TCF7L2: variants seen among roughly 807,000 people sequenced by gnomAD.
TCF7L2 encodes transcription factor 7 like 2.
TCF7L2 carries 23 observed loss-of-function variants against 77.9 expected under a neutral mutation model. That is an observed-to-expected ratio of 0.30 (90% CI 0.21 to 0.42). The LOEUF is 0.42. Ranked by LOEUF, TCF7L2 falls within the 10% of genes least tolerant of loss-of-function variation. TCF7L2 has a pLI of 1.00. For synonymous variants in TCF7L2, 413 were observed against 340.2 expected, an observed-to-expected ratio of 1.21 and a Z score of -2.36; for missense variants, 654 against 793.1, an observed-to-expected ratio of 0.82 and a Z score of 2.11.
In TCF7L2 at chr10:113,165,898, T is replaced by C. The variant is rs2074017404; in HGVS notation, c.1735T>C (p.Ser579Pro). The C allele has an allele frequency of 6.3e-7, 1 of 1,596,308 alleles. No homozygotes were observed. The highest frequency in any genetic ancestry group is 1.1e-5 in the South Asian group (1 of 89,424). Residue 579 changes from serine to proline, a missense_variant, in exon 14 of 14, where the codon TCC (serine) becomes CCC (proline). Around this residue, in one of 6 missense-constraint regions of TCF7L2, gnomAD observed 272 missense variants for 215.4 expected, o/e 1.26. Coordinates refer to ENST00000627217, the MANE Select transcript of TCF7L2 (RefSeq NM_001146274.2). ...ATCAATTGCACAGCCGTCGACTTCTTCCTTACATTCCCACAGCTCCCTGGC... is the reference window on the plus strand; with the variant it reads ...ATCAATTGCACAGCCGTCGACTTCTCCCTTACATTCCCACAGCTCCCTGGC...
intron 4 of TCF7L2, among the ~76,000 whole-genome samples, chr10:113,023,355 T>A (rs573312575): frequency 6.6e-6 from 1 of 152,330 alleles, no homozygotes; most frequent in Admixed American, 6.5e-5. Flanking sequence ...CTTCCTCTCA[T>A]TTAGGCATTT....
intron 6 of TCF7L2, among the ~76,000 whole-genome samples, chr10:113,142,319 T>C (rs2068526890): frequency 6.6e-6 from 1 of 152,182 alleles, no homozygotes; most frequent in African/African-American, 2.4e-5. Context: ...CAGTTGTTCA[T>C]TGACTGCTTT....
intron 5 of TCF7L2, among the ~76,000 whole-genome samples, chr10:113,102,111 C>CAAAAAA (rs139047649): frequency 2.8e-5 from 2 of 71,736 alleles, no homozygotes; most frequent in Non-Finnish European, 2.5e-5. Context: ...GTGACTCCAT[C>CAAAAAA]AAAAAAAAAA....
intron 13 of TCF7L2, chr10:113,161,502 C>A: frequency 6.8e-7 from 1 of 1,474,986 alleles, no homozygotes; most frequent in Non-Finnish European, 9.2e-7. Context: ...GGGATACCGA[C>A]TAGCTCCTGT....
intron 5 of TCF7L2, among the ~76,000 whole-genome samples, chr10:113,110,379 T>G (rs1327383080): frequency 2.0e-5 from 3 of 151,612 alleles, no homozygotes; most frequent in African/African-American, 7.3e-5. Context: ...GTTTTTTTTT[T>G]TTTTTTTTTT....
intron 5 of TCF7L2, among the ~76,000 whole-genome samples, chr10:113,126,447 T>C (rs555568155): frequency 3.2e-4 from 48 of 152,302 alleles, no homozygotes; most frequent in Non-Finnish European, 6.0e-4. Flanking sequence ...TGAAGTTCTT[T>C]GGACTATTGA....
intron 4 of TCF7L2, among the ~76,000 whole-genome samples, chr10:113,029,649 C>T (rs1227955969): frequency 1.3e-5 from 2 of 151,656 alleles, no homozygotes; most frequent in Admixed American, 6.6e-5. Flanking sequence ...GTCTCAGCCT[C>T]GCAAGTAGCT....
intron 13 of TCF7L2, chr10:113,160,820 A>G (rs901847588): frequency 1.6e-5 from 13 of 826,966 alleles, no homozygotes; most frequent in Admixed American, 3.4e-5. Context: ...AATGATCCTC[A>G]TTCTTCAAAA....
chr10:113,132,709 T>A (rs10787475), intron 5 of TCF7L2, among the ~76,000 whole-genome samples: 1 of 152,048 alleles, frequency 6.6e-6, no homozygotes, highest in Non-Finnish European at 1.5e-5. Flanking sequence ...ACATTCTCTG[T>A]GAACTCGGGC....
At chr10:113,038,355 C>T (rs558062038) in intron 4 of TCF7L2, among the ~76,000 whole-genome samples, 14 of 152,246 alleles carry the variant, frequency 9.2e-5, no homozygotes, top group African/African-American at 3.4e-4. Flanking sequence ...CCACGGGAGG[C>T]CTCTAGGTGA....
At chr10:112,976,775 T>G (rs1461138998) in intron 4 of TCF7L2, among the ~76,000 whole-genome samples, 1 of 152,226 alleles carries the variant, frequency 6.6e-6, no homozygotes, top group African/African-American at 2.4e-5. Context: ...TTCGACCACT[T>G]TGTCAACTTG....
At chr10:113,003,215 C>T (rs2044813310) in intron 4 of TCF7L2, among the ~76,000 whole-genome samples, 1 of 152,206 alleles carries the variant, frequency 6.6e-6, no homozygotes, top group African/African-American at 2.4e-5. Context: ...CAACTCCCCC[C>T]ACCTCCCACC....
intron 4 of TCF7L2, among the ~76,000 whole-genome samples, chr10:112,967,763 G>A (rs1464226076): frequency 6.6e-6 from 1 of 151,692 alleles, no homozygotes; most frequent in Non-Finnish European, 1.5e-5. Flanking sequence ...AGCCTCCCGA[G>A]TAGCTGGGAT....
chr10:113,090,688 G>A (rs1321292881), intron 5 of TCF7L2, among the ~76,000 whole-genome samples: 1 of 152,152 alleles, frequency 6.6e-6, no homozygotes, highest in African/African-American at 2.4e-5. Flanking sequence ...TCAGCTCACT[G>A]CAACTTCTGC....
At chr10:112,999,888 A>T (rs2044165118) in intron 4 of TCF7L2, among the ~76,000 whole-genome samples, 1 of 152,150 alleles carries the variant, frequency 6.6e-6, no homozygotes, top group African/African-American at 2.4e-5. Context: ...AGAACATGGG[A>T]CCTAATCCTG....
chr10:113,122,647 A>G (rs982075939), intron 5 of TCF7L2, among the ~76,000 whole-genome samples: 1 of 152,216 alleles, frequency 6.6e-6, no homozygotes, highest in Non-Finnish European at 1.5e-5. Context: ...AAAAATAGCA[A>G]CCACATGTAA....
At chr10:113,002,080 C>T (rs1393555869) in intron 4 of TCF7L2, among the ~76,000 whole-genome samples, 1 of 152,150 alleles carries the variant, frequency 6.6e-6, no homozygotes, top group Non-Finnish European at 1.5e-5. Context: ...CAGGTTTCAT[C>T]CCCAGCTCCT....
chr10:113,108,073 C>G (rs1016423642), intron 5 of TCF7L2, among the ~76,000 whole-genome samples: 6 of 152,196 alleles, frequency 3.9e-5, no homozygotes, highest in Non-Finnish European at 5.9e-5. Context: ...CCTCCAGCCC[C>G]CTTTGCCCCC....
intron 4 of TCF7L2, among the ~76,000 whole-genome samples, chr10:112,985,484 A>G (rs192168701): frequency 2.1e-4 from 32 of 152,264 alleles, no homozygotes; most frequent in African/African-American, 7.7e-4. Context: ...TTGTATTACT[A>G]CAAGGATCAG....
Sources: gnomAD v4.1 joint callset for allele counts (sites outside exome capture counted in the v4.1 genomes callset) on GRCh38, gnomAD v4.1.1 for gene constraint, gnomAD v4.1.1 regional missense constraint, MANE v1.5 for transcripts, NCBI Gene and HGNC (gene_info 2026-07-23, HGNC 2026-07-21) for gene names.